The following RPTOR variants were observed in gnomAD, a reference collection of about 807,000 sequenced individuals.
RPTOR encodes the protein regulatory-associated protein of mTOR.
A neutral mutation model predicts 169.9 loss-of-function variants in RPTOR; 21 were observed. That is an observed-to-expected ratio of 0.12 (90% confidence interval 0.09 to 0.18). RPTOR has a LOEUF of 0.18. Among genes scored for constraint, RPTOR ranks in the 10% least tolerant of loss-of-function variants. RPTOR has a pLI of 1.00. For missense variants in RPTOR, 1,133 were observed against 1,855.9 expected, an observed-to-expected ratio of 0.61 and a Z score of 7.16; for synonymous variants, 732 against 753.2, an observed-to-expected ratio of 0.97 and a Z score of 0.46.
intron 5 of RPTOR, among the ~76,000 whole-genome samples, chr17:80,738,209 C>T (rs2066451205): frequency 6.6e-6 from 1 of 152,242 alleles, no homozygotes; most frequent in South Asian, 2.1e-4. Flanking sequence ...GCCCCGTGTA[C>T]CTGGCAGGCC....
chr17:80,870,827 A>G (rs1212755636), intron 13 of RPTOR, among the ~76,000 whole-genome samples: 2 of 152,138 alleles, frequency 1.3e-5, no homozygotes, highest in Admixed American at 1.3e-4. Flanking sequence ...CCTACACCCA[A>G]TTTTCCCTGT....
At chr17:80,649,438 A>G (rs1042132790) in intron 3 of RPTOR, among the ~76,000 whole-genome samples, 1 of 151,352 alleles carries the variant, frequency 6.6e-6, no homozygotes, top group African/African-American at 2.4e-5. Flanking sequence ...CTCCTGCCCA[A>G]ACTCACCTGA....
chr17:80,895,203 A>G (rs4969288), intron 20 of RPTOR, among the ~76,000 whole-genome samples: 152,246 of 152,316 alleles, frequency 1, 76,089 homozygotes, highest in South Asian at 1. Context: ...GCTGGGCCCC[A>G]GCCTACCCGG....
chr17:80,644,192 C>A (rs1278611297), intron 3 of RPTOR, among the ~76,000 whole-genome samples: 1 of 152,102 alleles, frequency 6.6e-6, no homozygotes, highest in Admixed American at 6.5e-5. Flanking sequence ...CTTCAGTTTT[C>A]ACATAGTTGA....
intron 21 of RPTOR, among the ~76,000 whole-genome samples, chr17:80,922,182 G>A (rs1230421147): frequency 6.6e-6 from 1 of 152,238 alleles, no homozygotes; most frequent in African/African-American, 2.4e-5. Context: ...GGTGGATGAA[G>A]CACTCCCTGA....
chr17:80,822,571 C>T (rs994008256), intron 8 of RPTOR, among the ~76,000 whole-genome samples: 3 of 152,222 alleles, frequency 2.0e-5, no homozygotes, highest in African/African-American at 4.8e-5. Flanking sequence ...TGCGCACCGG[C>T]GGCTTATCTT....
chr17:80,710,304 C>T (rs1178999460), intron 4 of RPTOR, among the ~76,000 whole-genome samples: 1 of 151,938 alleles, frequency 6.6e-6, no homozygotes, highest in Non-Finnish European at 1.5e-5. Context: ...CCCAGTTGTG[C>T]TTTTTATTTG....
chr17:80,768,900 C>T (rs181696610), intron 6 of RPTOR, among the ~76,000 whole-genome samples: 27 of 152,212 alleles, frequency 1.8e-4, no homozygotes, highest in Admixed American at 8.5e-4. Context: ...CATTCAGCTC[C>T]GTATTTAATA....
intron 13 of RPTOR, among the ~76,000 whole-genome samples, chr17:80,864,012 G>A (rs1220969353): frequency 6.6e-6 from 1 of 152,188 alleles, no homozygotes; most frequent in Non-Finnish European, 1.5e-5. Flanking sequence ...TTATTCCATT[G>A]CGGGACAACG....
intron 1 of RPTOR, among the ~76,000 whole-genome samples, chr17:80,614,182 C>T (rs1428928475): frequency 6.6e-6 from 1 of 152,162 alleles, no homozygotes; most frequent in Admixed American, 6.5e-5. Flanking sequence ...TACACATACT[C>T]ACCAAGCCAC....
chr17:80,723,400 G>T (rs893000002), intron 4 of RPTOR, among the ~76,000 whole-genome samples: 4 of 151,130 alleles, frequency 2.6e-5, no homozygotes, highest in Admixed American at 6.6e-5. Flanking sequence ...TGAAAGAATT[G>T]TTGCTTCTCT....
intron 1 of RPTOR, among the ~76,000 whole-genome samples, chr17:80,590,789 T>C (rs1471877667): frequency 1.3e-5 from 2 of 152,366 alleles, no homozygotes; most frequent in South Asian, 4.1e-4. Context: ...ACAGTTTTTG[T>C]TGGGTTTTAA....
At chr17:80,736,048 T>C (rs2066430740) in intron 5 of RPTOR, among the ~76,000 whole-genome samples, 2 of 152,094 alleles carry the variant, frequency 1.3e-5, no homozygotes, top group Non-Finnish European at 2.9e-5. Context: ...GGCACGCATG[T>C]GTCATCCCAG....
intron 6 of RPTOR, among the ~76,000 whole-genome samples, chr17:80,755,794 G>C (rs1013967828): frequency 2.0e-5 from 3 of 151,748 alleles, no homozygotes; most frequent in Admixed American, 6.6e-5. Flanking sequence ...CTGTCTGGAG[G>C]GGGCAGCAGA....
chr17:80,617,411 T>C (rs4890056), intron 1 of RPTOR, among the ~76,000 whole-genome samples: 54,330 of 152,158 alleles, frequency 0.36, 10,226 homozygotes, highest in Non-Finnish European at 0.44. Context: ...ACAGTTGCAA[T>C]CTGAAAGTAT....
chr17:80,898,299 T>C (rs1377907430), intron 20 of RPTOR, among the ~76,000 whole-genome samples: 9 of 152,206 alleles, frequency 5.9e-5, no homozygotes, highest in African/African-American at 1.4e-4. Context: ...CTGCTTTTAC[T>C]GATATTCCCA....
chr17:80,604,822 C>T (rs531915280), intron 1 of RPTOR, among the ~76,000 whole-genome samples: 32 of 152,268 alleles, frequency 2.1e-4, no homozygotes, highest in African/African-American at 5.5e-4. Flanking sequence ...AAGATCCATC[C>T]GCGCGATTCA....
At chr17:80,588,836 CCTGTGAAACATCT>C (rs1395338379) in intron 1 of RPTOR, among the ~76,000 whole-genome samples, 1 of 152,124 alleles carries the variant, frequency 6.6e-6, no homozygotes, top group Non-Finnish European at 1.5e-5. Flanking sequence ...CATTTCTTGT[CCTGTGAAACATCT>C]CTGTGATGCA....
chr17:80,794,299 C>T (rs1325032407), intron 7 of RPTOR, among the ~76,000 whole-genome samples: 2 of 152,100 alleles, frequency 1.3e-5, no homozygotes, highest in Non-Finnish European at 1.5e-5. Context: ...GACACTTCAC[C>T]AAAGAGGATT....
Sources: gnomAD v4.1 joint callset for allele counts (sites outside exome capture counted in the v4.1 genomes callset) on GRCh38, gnomAD v4.1.1 for gene constraint, MANE v1.5 for transcripts, NCBI Gene and HGNC (gene_info 2026-07-23, HGNC 2026-07-21) for gene names.